The following POLD3 variants were observed in gnomAD, a reference collection of about 807,000 sequenced individuals.
POLD3 encodes DNA polymerase delta 3, accessory subunit.
POLD3 carries 19 observed loss-of-function variants against 58.2 expected under a neutral mutation model. That is an observed-to-expected ratio of 0.33 (90% CI 0.23 to 0.48). The LOEUF (loss-of-function observed/expected upper bound fraction) is 0.48, where lower values mean the gene tolerates loss of function less well. Among genes scored for constraint, POLD3 ranks in the 20% least tolerant of loss-of-function variants. POLD3 has a pLI of 0.99. For synonymous variants in POLD3, 172 were observed against 193.5 expected (o/e 0.89, Z 0.92); for missense variants, 504 against 545.5 (o/e 0.92, Z 0.76).
At chr11:74,636,461 G>T (rs2032753779) in intron 11 of POLD3, among the ~76,000 whole-genome samples, 186 bp downstream of exon 11, 1 of 152,170 alleles carries the variant, frequency 6.6e-6, no homozygotes, top group Non-Finnish European at 1.5e-5. Context: ...GAACACCTAG[G>T]TTCTTGTTTA....
At chr11:74,614,338 G>A (rs2032011562) in intron 5 of POLD3, among the ~76,000 whole-genome samples, 1 of 152,184 alleles carries the variant, frequency 6.6e-6, no homozygotes. Flanking sequence ...TAATCCAGGT[G>A]GATATGACAG....
chr11:74,594,538 C>T (rs760838825), intron 2 of POLD3, among the ~76,000 whole-genome samples: 1 of 152,024 alleles, frequency 6.6e-6, no homozygotes, highest in Non-Finnish European at 1.5e-5. Context: ...CATTAATGGA[C>T]ATTTGGGTTA....
chr11:74,614,208 G>A (rs1402846940), intron 5 of POLD3, among the ~76,000 whole-genome samples: 3 of 152,224 alleles, frequency 2.0e-5, no homozygotes, highest in Non-Finnish European at 2.9e-5. Context: ...AAATATTTAA[G>A]CAGATGGAGT....
chr11:74,624,071 T>C (rs1565122233), intron 7 of POLD3, among the ~76,000 whole-genome samples: 1 of 152,242 alleles, frequency 6.6e-6, no homozygotes, highest in Admixed American at 6.5e-5. Flanking sequence ...TGGAGGTTTT[T>C]TTCTCCTAAT....
At chr11:74,627,156 TTACTGCC>T (rs1379546424) in intron 8 of POLD3, among the ~76,000 whole-genome samples, 9 of 152,162 alleles carry the variant, frequency 5.9e-5, no homozygotes, top group Non-Finnish European at 8.8e-5. Context: ...TTCATGTGTG[TTACTGCC>T]CCTGAAGAAG....
intron 4 of POLD3, among the ~76,000 whole-genome samples, chr11:74,650,605 GC>G (rs1432768956): frequency 6.6e-6 from 1 of 152,152 alleles, no homozygotes; most frequent in Admixed American, 6.5e-5. Context: ...CTATAGTCAC[GC>G]CTGCAGTTTG....
intron 2 of POLD3, among the ~76,000 whole-genome samples, chr11:74,603,152 A>G (rs2135122974): frequency 6.6e-6 from 1 of 152,312 alleles, no homozygotes; most frequent in East Asian, 1.9e-4. Context: ...AAGGCGTAGA[A>G]CATAAAGTAA....
At position 74,640,903 on chromosome 11, in the gene POLD3, T is replaced by G; in HGVS notation, c.*137T>G. 1 of 1,297,406 alleles carries G rather than the reference T, an allele frequency of 7.7e-7. No homozygotes were observed. Among genetic ancestry groups the G allele is most frequent in the Non-Finnish European group, 9.8e-7 (1 of 1,023,316 alleles). 80.4% of individuals were successfully genotyped at this position (1,297,406 alleles called of 1,614,324 possible). ...AAGACTGTTCTTTCATCCTGTGAGG[T>G]TTATACTATTTCTGGTTTTTAACCA... is the stretch of plus-strand genomic sequence containing the variant. On this transcript the variant is annotated 3_prime_UTR_variant, in exon 12 of 12. Transcript: ENST00000263681.
chr11:74,599,782 ATAAT>A (rs1233061969), intron 2 of POLD3, among the ~76,000 whole-genome samples: 1 of 152,138 alleles, frequency 6.6e-6, no homozygotes, highest in African/African-American at 2.4e-5. Context: ...ATGCTGTGAA[ATAAT>A]TAAGTTGGGT....
At chr11:74,667,204 A>G (rs551898147) in intron 4 of POLD3, among the ~76,000 whole-genome samples, 1 of 152,338 alleles carries the variant, frequency 6.6e-6, no homozygotes, top group South Asian at 2.1e-4. Flanking sequence ...TTGGTTACAC[A>G]ACAATGCAAA....
intron 7 of POLD3, among the ~76,000 whole-genome samples, chr11:74,622,914 G>A (rs1244922749): frequency 6.6e-6 from 1 of 152,162 alleles, no homozygotes; most frequent in Non-Finnish European, 1.5e-5. Flanking sequence ...CTTCATAATA[G>A]CCAAAAATTG....
At chr11:74,611,226 A>G (rs910938573) in intron 3 of POLD3, among the ~76,000 whole-genome samples, 4 of 152,166 alleles carry the variant, frequency 2.6e-5, no homozygotes, top group Non-Finnish European at 4.4e-5. Context: ...CTGATTTGAG[A>G]TGCTGTATTT....
chr11:74,640,467 A>G, intron 11 of POLD3, 97 bp from the exon 12 acceptor site: 1 of 1,391,882 alleles, frequency 7.2e-7, no homozygotes, highest in Non-Finnish European at 9.5e-7. Context: ...TGCCTTGATC[A>G]GAGTCTGAAA....
At chr11:74,658,715 C>G (rs745733594) in intron 4 of POLD3, among the ~76,000 whole-genome samples, 26 of 152,346 alleles carry the variant, frequency 1.7e-4, no homozygotes, top group Admixed American at 3.9e-4. Context: ...TTTAAAGCTA[C>G]AAAATGATCT....
At chr11:74,599,904 CAT>C (rs1007517938) in intron 2 of POLD3, among the ~76,000 whole-genome samples, 8 of 151,774 alleles carry the variant, frequency 5.3e-5, no homozygotes, top group African/African-American at 9.7e-5. Flanking sequence ...TATAATTAAT[CAT>C]GTGTAGGAAG....
intron 4 of POLD3, among the ~76,000 whole-genome samples, chr11:74,612,114 G>A (rs1189450182): frequency 6.6e-6 from 1 of 152,198 alleles, no homozygotes; most frequent in Admixed American, 6.5e-5. Context: ...GGACTGAGGA[G>A]GGTGGAGGGC....
downstream of POLD3, among the ~76,000 whole-genome samples, chr11:74,643,909 C>T (rs1044404781): frequency 3.3e-5 from 5 of 152,310 alleles, no homozygotes; most frequent in African/African-American, 9.6e-5. Context: ...AAAACAAGGC[C>T]GCTTAATTCT....
intron 8 of POLD3, 70 bp from the exon 9 acceptor site, chr11:74,629,147 C>T: frequency 2.3e-6 from 2 of 883,222 alleles, no homozygotes; most frequent in Non-Finnish European, 3.5e-6. Flanking sequence ...AAGCAAAACC[C>T]ATAAGAGCAT....
At chr11:74,621,334 G>A (rs1190637326) in intron 7 of POLD3, among the ~76,000 whole-genome samples, 3 of 152,132 alleles carry the variant, frequency 2.0e-5, no homozygotes, top group South Asian at 2.1e-4. Context: ...TCTAGATTGC[G>A]GGCTCCTTAT....
Sources: allele counts gnomAD v4.1 joint callset (sites outside exome capture counted in the v4.1 genomes callset), GRCh38; gene constraint gnomAD v4.1.1; transcripts MANE v1.5; gene names NCBI Gene and HGNC (gene_info 2026-07-23, HGNC 2026-07-21).